Variants in KREMEN1 observed in about 807,000 individuals in gnomAD.
The protein encoded by KREMEN1 is kremen protein 1.
In KREMEN1, 30 loss-of-function variants were observed where a neutral mutation model predicts 46.5. That is an observed-to-expected ratio of 0.65 (90% confidence interval 0.48 to 0.88). The LOEUF is 0.88. KREMEN1 is among the 40% of genes least tolerant of loss of function. KREMEN1 has a pLI of 0.00. For synonymous variants in KREMEN1, 214 were observed against 230.6 expected (o/e 0.93, Z 0.65); for missense variants, 533 against 596.9 (o/e 0.89, Z 1.11).
At chr22:29,166,831 G>C (rs981907941) in intron 9 of KREMEN1, among the ~76,000 whole-genome samples, 1 of 152,192 alleles carries the variant, frequency 6.6e-6, no homozygotes, top group African/African-American at 2.4e-5. Context: ...TATTCAGGAA[G>C]CTGAGGCAGG....
rs1008096599 is a variant in KREMEN1, at chr22:29,073,374, G to C, written c.97+147G>C. The C allele has an allele frequency of 8.4e-6, 2 of 237,714 alleles. No homozygotes were observed. The highest frequency in any genetic ancestry group is 1.6e-5 in the Non-Finnish European group (2 of 127,826). 14.7% of individuals were successfully genotyped at this position (237,714 alleles called of 1,614,324 possible). A position where few individuals can be genotyped will look rare whatever the true frequency, so the allele number is the denominator to read the frequency against. Reference sequence around the variant, plus strand: ...GCCCCTAGGCGACGCCCCTCAGGCCGGGATGGTCCCTTCCTGGGACCCGGG... The same window carrying C: ...GCCCCTAGGCGACGCCCCTCAGGCCCGGATGGTCCCTTCCTGGGACCCGGG... On this transcript the variant is annotated intron_variant, in intron 1 of 8. Transcript: ENST00000400335. The surrounding 1 kb of genome is among the most constrained non-coding windows in gnomAD (Gnocchi z 4.4).
chr22:29,131,600 GTATATA>G lies in KREMEN1; in HGVS notation c.632-5740_632-5735del, dbSNP rs1569331264. ...TGTGTGTGTGTGTGTGTGTGTATAT[GTATATA>G]TGTGTGTATATATATGTATATATGT... On this transcript the variant is annotated intron_variant, in intron 5 of 8. Transcript: ENST00000400335. Among the ~76,000 whole-genome samples the G allele has an allele frequency of 7.8e-4, 97 of 124,188 alleles. 2 individuals carry two copies. In the East Asian group the frequency reaches 0.011, roughly 14 times the overall value. The allele number at this position is 124,188 out of a possible 152,430, so 81.5% of individuals were successfully genotyped here. A position where few individuals can be genotyped will look rare whatever the true frequency, so the allele number is the denominator to read the frequency against.
At position 29,145,324 on chromosome 22, in the gene KREMEN1, G is replaced by A. The variant is rs1887857032; in HGVS notation, c.*3212G>A. On this transcript the variant is annotated 3_prime_UTR_variant, in exon 9 of 9. Transcript: ENST00000400335. ...CAGAACCCATGGCAGAAGACTGCAG[G>A]AGAGGCAGGGGAGGGGCTTCGGGGA... 1 of 985,534 alleles carries A rather than the reference G, an allele frequency of 1.0e-6. No homozygotes were observed. Among genetic ancestry groups the A allele is most frequent in the South Asian group, 4.7e-5 (1 of 21,300 alleles). The allele number at this position is 985,534 out of a possible 1,614,324, so 61.0% of individuals were successfully genotyped here.
intron 2 of KREMEN1, among the ~76,000 whole-genome samples, chr22:29,098,636 C>A (rs2294242): frequency 1.3e-5 from 2 of 152,120 alleles, no homozygotes; most frequent in African/African-American, 4.8e-5. Context: ...CATATATTAC[C>A]TTTACTCACT....
intron 2 of KREMEN1, among the ~76,000 whole-genome samples, chr22:29,097,881 TA>T (rs1014462032): frequency 6.7e-5 from 10 of 150,176 alleles, no homozygotes; most frequent in African/African-American, 9.8e-5. Context: ...ACTGCCTCTT[TA>T]AAAAAAAAAT....
Position 29,137,390 on chromosome 22 carries a change from T to C in KREMEN1, c.680T>C (p.Val227Ala). 6.5e-7 allele frequency: 1 copy of C among 1,549,954 alleles called. No individual in the cohort carries two copies. The highest frequency in any genetic ancestry group is 8.8e-7 in the Non-Finnish European group (1 of 1,140,298). ...GGNYSAMSSV[V>A]YSPDFPDTYA... Reference sequence around the variant, plus strand: ...AACTACTCAGCCATGTCTTCTGTGGTCTATTCCCCTGACTTCCCCGACACC... The same window carrying C: ...AACTACTCAGCCATGTCTTCTGTGGCCTATTCCCCTGACTTCCCCGACACC... Residue 227 changes from valine to alanine, a missense_variant, in exon 6 of 9, where the codon GTC (valine) becomes GCC (alanine). Physicochemically the swap from Val to Ala is moderately conservative, Grantham distance 64. Coordinates refer to ENST00000400335, the MANE Select transcript of KREMEN1 (RefSeq NM_001039570.3).
intron 1 of KREMEN1, among the ~76,000 whole-genome samples, chr22:29,083,034 C>G (rs1490571638): frequency 6.6e-6 from 1 of 152,122 alleles, no homozygotes; most frequent in Non-Finnish European, 1.5e-5. Context: ...CCCAGCCTCC[C>G]GAGTAGCTGG....
chr22:29,076,118 G>A lies in KREMEN1; in HGVS notation c.97+2891G>A, dbSNP rs1186127855. On this transcript the variant is annotated intron_variant, in intron 1 of 8. Transcript: ENST00000400335. Reference sequence around the variant, plus strand: ...GGTTCTCTGTAGTAGGTCCCATCTGGAATTTATGGAATTTATGGTCTACTC... The same window carrying A: ...GGTTCTCTGTAGTAGGTCCCATCTGAAATTTATGGAATTTATGGTCTACTC... 5.3e-5 allele frequency among the ~76,000 whole-genome samples: 8 copies of A among 152,104 alleles called. No homozygotes were observed. The East Asian group carries it at 1.5e-3, about 29-fold the overall frequency.
intron 9 of KREMEN1, among the ~76,000 whole-genome samples, chr22:29,153,033 C>G (rs146401596): frequency 6.6e-6 from 1 of 152,316 alleles, no homozygotes; most frequent in African/African-American, 2.4e-5. Flanking sequence ...TGGGGAGTTC[C>G]CGGAACTGAG....
At chr22:29,151,172 C>T (rs2038912079), downstream of KREMEN1, among the ~76,000 whole-genome samples, 1 of 152,144 alleles carries the variant, frequency 6.6e-6, no homozygotes, top group African/African-American at 2.4e-5. Context: ...AAAAAAGACC[C>T]CATCTGCCAA....
chr22:29,140,639 A>G (rs1601811054), intron 8 of KREMEN1, among the ~76,000 whole-genome samples: 1 of 151,818 alleles, frequency 6.6e-6, no homozygotes, highest in African/African-American at 2.4e-5. Flanking sequence ...CTTAAAAAGC[A>G]AATGTGCTAG....
intron 5 of KREMEN1, among the ~76,000 whole-genome samples, chr22:29,131,558 ATATGTGTGTGTG>A (rs1192310166): frequency 1.1e-3 from 68 of 59,636 alleles, no homozygotes; most frequent in African/African-American, 4.9e-3. Context: ...ATATATATAT[ATATGTGTGTGTG>A]TGTGTGTGTG....
rs1346788669 is a variant in KREMEN1, at chr22:29,073,879, T to C, written c.97+652T>C. The stretch of plus-strand genomic sequence containing the variant: ...CCCCAAGTCCTTCATCGACGCACCT[T>C]GCACCGGGACGACTCCCCCGCTACA... On this transcript the variant is annotated intron_variant, in intron 1 of 8. Transcript: ENST00000400335. The surrounding 1 kb of genome is among the most constrained non-coding windows in gnomAD (Gnocchi z 4.4). Among the ~76,000 whole-genome samples the C allele has an allele frequency of 6.6e-6, 1 of 151,862 alleles. No individual in the cohort carries two copies. Among genetic ancestry groups the C allele is most frequent in the Non-Finnish European group, 1.5e-5 (1 of 67,950 alleles).
intron 3 of KREMEN1, among the ~76,000 whole-genome samples, chr22:29,111,162 G>A (rs2038140011): frequency 6.6e-6 from 1 of 151,808 alleles, no homozygotes; most frequent in Non-Finnish European, 1.5e-5. Context: ...CAAATAATTA[G>A]CCAGCCATGG....
intron 1 of KREMEN1, among the ~76,000 whole-genome samples, chr22:29,091,420 C>G (rs1413601719): frequency 6.6e-6 from 1 of 152,104 alleles, no homozygotes; most frequent in Non-Finnish European, 1.5e-5. Flanking sequence ...TGATTTCTGG[C>G]CCCTGGATCA....
At chr22:29,164,075 G>A (rs925936165) in intron 9 of KREMEN1, among the ~76,000 whole-genome samples, 3 of 152,228 alleles carry the variant, frequency 2.0e-5, no homozygotes, top group South Asian at 4.1e-4. Flanking sequence ...TCAGCCTCCC[G>A]AGTAGCTGGG....
chr22:29,135,751 C>T (rs2038647665), intron 5 of KREMEN1, among the ~76,000 whole-genome samples: 1 of 152,208 alleles, frequency 6.6e-6, no homozygotes, highest in South Asian at 2.1e-4. Context: ...TTTCTTGTTA[C>T]TTCTCTGGCG....
chr22:29,133,260 AAG>A lies in KREMEN1; in HGVS notation c.632-4080_632-4079del, dbSNP rs1409279665. On this transcript the variant is annotated intron_variant, in intron 5 of 8. Transcript: ENST00000400335. ...GAGACTCCATCTCAAAAAAAAAAAA[AAG>A]AAAAAAGAAAAAAGATTTTATCTTT... Among the ~76,000 whole-genome samples the A allele has an allele frequency of 8.4e-3, 1,241 of 147,986 alleles. 14 individuals are homozygous for A. The highest frequency in any genetic ancestry group is 0.031 in the African/African-American group (1,184 of 38,144).
At position 29,105,997 on chromosome 22, in the gene KREMEN1, G is replaced by T. The variant is rs148742755; in HGVS notation, c.352+7044G>T. Among the ~76,000 whole-genome samples the T allele has an allele frequency of 1.7e-3, 263 of 152,318 alleles. 1 individual carries two copies. The highest frequency in any genetic ancestry group is 5.9e-3 in the African/African-American group (244 of 41,566). On this transcript the variant is annotated intron_variant, in intron 3 of 8. Transcript: ENST00000400335. ...TCAGCCCAAAAAATAGGATGTGAAA[G>T]GTTCCCATTATCCCTGATAAGGGTT...
Sources: allele counts gnomAD v4.1 joint callset (sites outside exome capture counted in the v4.1 genomes callset), GRCh38; gene constraint gnomAD v4.1.1; non-coding constraint Gnocchi (gnomAD v3.1); transcripts MANE v1.5; gene names NCBI Gene and HGNC (gene_info 2026-07-23, HGNC 2026-07-21).